Variants in PPP3R1 observed in about 807,000 individuals in gnomAD.
PPP3R1 encodes protein phosphatase 3 regulatory subunit B, alpha, also known as calcineurin subunit B type 1.
PPP3R1 carries 5 observed loss-of-function variants against 22.6 expected under a neutral mutation model. The observed-to-expected ratio is 0.22, with a 90% CI of 0.12 to 0.46. PPP3R1 has a LOEUF of 0.46. Ranked by LOEUF, PPP3R1 falls within the 20% of genes least tolerant of loss-of-function variation. The probability of loss-of-function intolerance (pLI) is 0.99; values close to 1 mark genes in which losing one functional copy is unlikely to be tolerated. For synonymous variants in PPP3R1, 56 were observed against 65.2 expected, an observed-to-expected ratio of 0.86 and a Z score of 0.68; for missense variants, 61 against 203.2, an observed-to-expected ratio of 0.30 and a Z score of 4.25.
chr2:68,233,516 C>T (rs1669959694), intron 1 of PPP3R1, among the ~76,000 whole-genome samples: 1 of 152,006 alleles, frequency 6.6e-6, no homozygotes, highest in African/African-American at 2.4e-5. Flanking sequence ...AGTATTATGT[C>T]CCAAAATGTA....
At chr2:68,185,841 T>C (rs1217238437) in intron 5 of PPP3R1, among the ~76,000 whole-genome samples, 1 of 152,242 alleles carries the variant, frequency 6.6e-6, no homozygotes, top group African/African-American at 2.4e-5. Context: ...ACCCCACTTT[T>C]TGAAAACATA....
rs142561815 is a variant in PPP3R1, at chr2:68,245,028, T to C, written c.3+7097A>G. Among the ~76,000 whole-genome samples, 112 of 152,334 alleles carry C rather than the reference T, an allele frequency of 7.4e-4. 1 individual carries two copies. The highest frequency in any genetic ancestry group is 2.7e-3 in the African/African-American group (111 of 41,574). ...AATGACCATTCCATCAGTATTTTCT[T>C]AATCTTCATCTTTACAACTATCCAA... is the stretch of plus-strand genomic sequence containing the variant. On this transcript the variant is annotated intron_variant, in intron 1 of 5. Transcript: ENST00000234310.
At chr2:68,231,177 A>G (rs1156418070) in intron 1 of PPP3R1, among the ~76,000 whole-genome samples, 1 of 151,092 alleles carries the variant, frequency 6.6e-6, no homozygotes, top group Non-Finnish European at 1.5e-5. Context: ...TTTTTTTTTC[A>G]GTCTGTTTAC....
At chr2:68,198,374 C>T (rs13004479) in intron 2 of PPP3R1, among the ~76,000 whole-genome samples, 5,267 of 36,484 alleles carry the variant, frequency 0.14, 1,035 homozygotes, top group African/African-American at 0.54. Flanking sequence ...CATATATGTA[C>T]ATGTATATGC....
intron 1 of PPP3R1, among the ~76,000 whole-genome samples, chr2:68,222,416 C>T (rs555137341): frequency 6.6e-6 from 1 of 152,314 alleles, no homozygotes; most frequent in Non-Finnish European, 1.5e-5. Flanking sequence ...GAGTGAGAGT[C>T]AGCTAGGCTG....
At chr2:68,233,443 A>C (rs1669956780) in intron 1 of PPP3R1, among the ~76,000 whole-genome samples, 1 of 152,230 alleles carries the variant, frequency 6.6e-6, no homozygotes, top group African/African-American at 2.4e-5. Flanking sequence ...CTTCCTCTGC[A>C]TGCCAACCTC....
chr2:68,184,573 T>C (rs1417558804), intron 5 of PPP3R1, among the ~76,000 whole-genome samples: 1 of 152,182 alleles, frequency 6.6e-6, no homozygotes, highest in East Asian at 1.9e-4. Flanking sequence ...ATACATTAAG[T>C]ACTCTGAAAA....
intron 2 of PPP3R1, among the ~76,000 whole-genome samples, chr2:68,192,779 C>T (rs6758169): frequency 0.026 from 3,882 of 152,210 alleles, 151 homozygotes; most frequent in African/African-American, 0.085. Flanking sequence ...CTTTCTAATA[C>T]AAAAAGTCTA....
At chr2:68,236,389 G>A (rs2103801619) in intron 1 of PPP3R1, among the ~76,000 whole-genome samples, 1 of 152,200 alleles carries the variant, frequency 6.6e-6, no homozygotes, top group East Asian at 1.9e-4. Flanking sequence ...TTATTATCTG[G>A]TCCTTTGCAG....
At position 68,198,438 on chromosome 2, in the gene PPP3R1, T is replaced by TGTATATATGTATATACATATATAC. The variant is rs1674878421; in HGVS notation, c.44-9772_44-9749dup. ...ATGCATATATACGTATATATGCGTG[T>TGTATATATGTATATACATATATAC]GTATATATGTATATACATATATACG... On this transcript the variant is annotated intron_variant, in intron 2 of 5. Coordinates refer to ENST00000234310, the MANE Select transcript of PPP3R1 (RefSeq NM_000945.4). Among the ~76,000 whole-genome samples the TGTATATATGTATATACATATATAC allele has an allele frequency of 3.4e-5, 5 of 148,938 alleles. No homozygotes were observed. In the South Asian group the frequency reaches 1.0e-3, roughly 31 times the overall value.
chr2:68,204,748 T>C (rs7592140), intron 2 of PPP3R1, among the ~76,000 whole-genome samples: 3,874 of 152,318 alleles, frequency 0.025, 147 homozygotes, highest in African/African-American at 0.085. Flanking sequence ...GGGTGACTAG[T>C]AACTACCAGG....
intron 2 of PPP3R1, among the ~76,000 whole-genome samples, chr2:68,196,125 T>C (rs976913946): frequency 3.9e-5 from 6 of 152,196 alleles, no homozygotes; most frequent in East Asian, 1.9e-4. Flanking sequence ...AAATTATCTA[T>C]GGAAAAGCTT....
intron 2 of PPP3R1, among the ~76,000 whole-genome samples, chr2:68,210,040 G>C (rs979834302): frequency 6.6e-5 from 10 of 152,154 alleles, no homozygotes; most frequent in African/African-American, 1.9e-4. Flanking sequence ...ATACAAAACA[G>C]AAGTGACACC....
At chr2:68,186,422 G>A (rs1674547429) in intron 5 of PPP3R1, 46 bp downstream of exon 5, 2 of 1,509,020 alleles carry the variant, frequency 1.3e-6, no homozygotes, top group Admixed American at 2.1e-5. Context: ...TTTAAAATAT[G>A]TTGCTGAAAC....
chr2:68,189,628 G>A (rs1321705463), intron 2 of PPP3R1, among the ~76,000 whole-genome samples: 2 of 152,172 alleles, frequency 1.3e-5, no homozygotes, highest in Admixed American at 6.5e-5. Context: ...AGCACTTTGG[G>A]AGGCCAATGT....
At chr2:68,195,805 T>C (rs896339919) in intron 2 of PPP3R1, among the ~76,000 whole-genome samples, 1 of 152,216 alleles carries the variant, frequency 6.6e-6, no homozygotes, top group Non-Finnish European at 1.5e-5. Flanking sequence ...ATACTATCAT[T>C]ATTTTGTTAG....
At chr2:68,219,851 C>T (rs1028653494) in intron 1 of PPP3R1, among the ~76,000 whole-genome samples, 2 of 152,156 alleles carry the variant, frequency 1.3e-5, no homozygotes, top group Non-Finnish European at 2.9e-5. Context: ...TTGAAGAATT[C>T]AAACATCATG....
At chr2:68,194,345 T>C (rs1417775191) in intron 2 of PPP3R1, among the ~76,000 whole-genome samples, 1 of 152,092 alleles carries the variant, frequency 6.6e-6, no homozygotes, top group Non-Finnish European at 1.5e-5. Context: ...TGGTAACTCA[T>C]TTTAAAAAGT....
intron 1 of PPP3R1, among the ~76,000 whole-genome samples, chr2:68,227,491 G>A (rs1019699575): frequency 6.6e-6 from 1 of 151,534 alleles, no homozygotes; most frequent in African/African-American, 2.4e-5. Context: ...CATGAATGTC[G>A]GGGACAGAAA....
Sources: allele counts gnomAD v4.1 joint callset (sites outside exome capture counted in the v4.1 genomes callset), GRCh38; gene constraint gnomAD v4.1.1; transcripts MANE v1.5; gene names NCBI Gene and HGNC (gene_info 2026-07-23, HGNC 2026-07-21).